The following SF1 variants were observed in gnomAD, a reference collection of about 807,000 sequenced individuals.
SF1 encodes splicing factor 1.
Under a neutral mutation model 62.5 loss-of-function variants are expected in SF1, and 7 were observed. The observed-to-expected ratio is 0.11, with a 90% CI of 0.06 to 0.21. The LOEUF is 0.21. SF1 is among the 10% of genes least tolerant of loss of function. The pLI is 1.00. For synonymous variants in SF1, 394 were observed against 323.6 expected (o/e 1.22, Z -2.33); for missense variants, 578 against 884.0 (o/e 0.65, Z 4.39).
intron 2 of SF1, among the ~76,000 whole-genome samples, chr11:64,775,789 G>A (rs1939122881): frequency 6.6e-6 from 1 of 152,114 alleles, no homozygotes; most frequent in Non-Finnish European, 1.5e-5. Context: ...ATTCCACTGT[G>A]GATAGTCATT....
Position 64,765,569 on chromosome 11 carries a change from G to T in SF1, c.*249C>A. On this transcript the variant is annotated 3_prime_UTR_variant, in exon 13 of 13. Coordinates refer to ENST00000377390, the MANE Select transcript of SF1 (RefSeq NM_004630.4). ...AAAGGGAGTTGGGTGAGGAGAGAAAGAAGACAAAGAAGACACTCGATGCTA... is the reference window on the plus strand; with the variant it reads ...AAAGGGAGTTGGGTGAGGAGAGAAATAAGACAAAGAAGACACTCGATGCTA... 8 of 1,553,942 alleles carry T rather than the reference G, an allele frequency of 5.1e-6. No homozygotes were observed. The highest frequency in any genetic ancestry group is 6.9e-6 in the Non-Finnish European group (8 of 1,154,156).
intron 2 of SF1, 66 bp downstream of exon 2, chr11:64,776,432 G>A: frequency 1.3e-6 from 2 of 1,513,566 alleles, no homozygotes; most frequent in African/African-American, 1.4e-5. Flanking sequence ...TTCAAAAAAT[G>A]CAGATCTTGC....
In SF1 at chr11:64,765,990, G is replaced by A; in HGVS notation, c.1748C>T (p.Pro583Leu). Reference sequence around the variant, plus strand: ...ACCAGGCGGTGGAGGCGGCGGAGGGGGAGGGGCCCCAGGCGGCAGAGGCGG... The same window carrying A: ...ACCAGGCGGTGGAGGCGGCGGAGGGAGAGGGGCCCCAGGCGGCAGAGGCGG... ...VQPPLPPGAP[P>L]PPPPPPPGSA... Residue 583 changes from proline (P) to leucine (L), a missense_variant, in exon 13 of 13, where the codon CCC becomes CTC. Pro to Leu is a moderately conservative substitution (Grantham distance 98, BLOSUM62 -3). Around this residue, in one of 7 missense-constraint regions of SF1, gnomAD observed 410 missense variants for 452.4 expected, o/e 0.91. Coordinates refer to ENST00000377390, the MANE Select transcript of SF1 (RefSeq NM_004630.4). The A allele has an allele frequency of 1.9e-6, 3 of 1,604,528 alleles. No individual in the cohort carries two copies. The highest frequency in any genetic ancestry group is 2.6e-6 in the Non-Finnish European group (3 of 1,175,714).
Position 64,765,587 on chromosome 11 carries a change from C to G in SF1, c.*231G>C. The G allele has an allele frequency of 1.3e-6, 2 of 1,534,626 alleles. No individual in the cohort carries two copies. Among genetic ancestry groups the G allele is most frequent in the Non-Finnish European group, 1.7e-6 (2 of 1,146,504 alleles). ...AGAGAAAGAAGACAAAGAAGACACT[C>G]GATGCTACGGGGCGCCAGGAGAGCC... On this transcript the variant is annotated 3_prime_UTR_variant, in exon 13 of 13. Coordinates refer to ENST00000377390, the MANE Select transcript of SF1 (RefSeq NM_004630.4).
In SF1 at chr11:64,772,415, G is replaced by A. The variant is rs887887611; in HGVS notation, c.236+1015C>T. ...AGGTAAAATATAGCAAATGTAGTAA[G>A]TCAAATTAAAGAGTCAATATGGAGA... On this transcript the variant is annotated intron_variant, in intron 3 of 12. Coordinates refer to ENST00000377390, the MANE Select transcript of SF1 (RefSeq NM_004630.4). 16 of 985,158 alleles carry A rather than the reference G, an allele frequency of 1.6e-5. No individual in the cohort carries two copies. The African/African-American group carries it at 2.8e-4, about 17-fold the overall frequency. The allele number at this position is 985,158 out of a possible 1,614,324, so 61.0% of individuals were successfully genotyped here.
rs768418500 is a variant in SF1, at chr11:64,776,487, C to G, written c.160+11G>C. On this transcript the variant is annotated intron_variant, in intron 2 of 12. Transcript: ENST00000377390. ...TCTCAAAGTGCATTTGGATGCAGAACGTATATTTACCTATATAAGCTCTTT... is the reference window on the plus strand; with the variant it reads ...TCTCAAAGTGCATTTGGATGCAGAAGGTATATTTACCTATATAAGCTCTTT... The G allele has an allele frequency of 1.3e-6, 2 of 1,565,672 alleles. No individual in the cohort carries two copies. Among genetic ancestry groups the G allele is most frequent in the Admixed American group, 2.0e-5 (1 of 50,088 alleles).
At chr11:64,773,086 T>A (rs1938581233) in intron 3 of SF1, 1 of 1,146,518 alleles carries the variant, frequency 8.7e-7, no homozygotes, top group South Asian at 2.0e-5. Context: ...CTCTATGCCC[T>A]GGGCTTTTGG....
intron 1 of SF1, chr11:64,777,490 C>A (rs912632914): frequency 3.0e-6 from 3 of 985,216 alleles, no homozygotes; most frequent in Non-Finnish European, 1.2e-6. Flanking sequence ...TCATCTGAAG[C>A]ATGCCAACCT....
Position 64,768,208 on chromosome 11 carries a change from T to C in SF1, c.966A>G (p.Glu322=). 1.2e-6 allele frequency: 2 copies of C among 1,613,988 alleles called. No homozygotes were observed. Among genetic ancestry groups the C allele is most frequent in the Non-Finnish European group, 8.5e-7 (1 of 1,179,946 alleles). ...AGCCCACAGATGCTGGGACAGGTGCTTCACCCAGTTCAGCCATGAGGGACA... is the reference window on the plus strand; with the variant it reads ...AGCCCACAGATGCTGGGACAGGTGCCTCACCCAGTTCAGCCATGAGGGACA... ...EYLSLMAELG[E]APVPASVGST... The change falls in exon 9 of 13, where the codon GAA becomes GAG. Residue 322 remains glutamate, a synonymous_variant. Coordinates refer to ENST00000377390, the MANE Select transcript of SF1 (RefSeq NM_004630.4).
intron 2 of SF1, among the ~76,000 whole-genome samples, chr11:64,774,245 T>C (rs1044595466): frequency 1.3e-5 from 2 of 152,214 alleles, no homozygotes; most frequent in Admixed American, 6.5e-5. Context: ...TCACTGTTCA[T>C]ATGGGGAGCA....
chr11:64,777,375 G>A (rs1042874638), intron 1 of SF1: 49 of 420,478 alleles, frequency 1.2e-4, no homozygotes, highest in African/African-American at 7.8e-4. Context: ...CAAAGCGACA[G>A]GGCAGCCGAT....
intron 8 of SF1, among the ~76,000 whole-genome samples, 187 bp from the exon 9 acceptor site, chr11:64,768,473 T>C (rs1937716772): frequency 1.3e-5 from 2 of 152,244 alleles, no homozygotes; most frequent in African/African-American, 2.4e-5. Flanking sequence ...TCGTGCCCAG[T>C]TCTGCATCTG....
chr11:64,772,569 CT>C (rs1938498655), intron 3 of SF1: 1 of 985,176 alleles, frequency 1.0e-6, no homozygotes, highest in Non-Finnish European at 1.2e-6. Flanking sequence ...AAAAACACTA[CT>C]TTTTAAAGCA....
rs780745897 is a variant in SF1 at position 64,769,083 on chromosome 11, T to C, written c.826A>G (p.Thr276Ala). 3.1e-6 allele frequency: 5 copies of C among 1,614,124 alleles called. No individual in the cohort carries two copies. The Admixed American group carries it at 6.7e-5, about 22-fold the overall frequency. ...CCTCCACACTTGGTACACACTGTGG[T>C]GTTGGTAATGCTGCGGGTCTCTGAG... The part of the protein sequence containing the change: ...QSSETRSITN[T>A]TVCTKCGGAG... The change falls in exon 8 of 13, where the codon ACC (threonine) becomes GCC (alanine). Residue 276 changes from threonine (T) to alanine (A), a missense_variant. Coordinates refer to ENST00000377390, the MANE Select transcript of SF1 (RefSeq NM_004630.4).
chr11:64,766,411 T>A, intron 12 of SF1: 1 of 540,322 alleles, frequency 1.9e-6, no homozygotes, highest in Non-Finnish European at 3.3e-6. Flanking sequence ...GAGGGGAAGG[T>A]ACCAGACACA....
chr11:64,767,507 C>T lies in SF1; in HGVS notation c.1342+64G>A, dbSNP rs1565558299. The stretch of plus-strand genomic sequence containing the variant: ...CTTGAGAGCTGCTTCTAGCCAACAG[C>T]GACCTGACGTAACCCCTTGCTTATC... On this transcript the variant is annotated intron_variant, in intron 10 of 12. Coordinates refer to ENST00000377390, the MANE Select transcript of SF1 (RefSeq NM_004630.4). 7 of 1,469,700 alleles carry T rather than the reference C, an allele frequency of 4.8e-6. No homozygotes were observed. In the South Asian group the frequency reaches 6.7e-5, roughly 14 times the overall value. 91.0% of individuals were successfully genotyped at this position (1,469,700 alleles called of 1,614,324 possible).
At chr11:64,776,384 G>T in intron 2 of SF1, 114 bp downstream of exon 2, 2 of 1,146,482 alleles carry the variant, frequency 1.7e-6, no homozygotes, top group African/African-American at 1.5e-5. Flanking sequence ...AGTCGTGAAA[G>T]TATCTCATCT....
chr11:64,772,123 A>G lies in SF1; in HGVS notation c.236+1307T>C, dbSNP rs75018470. On this transcript the variant is annotated intron_variant, in intron 3 of 12. Coordinates refer to ENST00000377390, the MANE Select transcript of SF1 (RefSeq NM_004630.4). Reference sequence around the variant, plus strand: ...GGCAAAAGCTAGTATTCTAGAGGTTAGACTGGCCCGACTTCTTCACCTCCA... The same window carrying G: ...GGCAAAAGCTAGTATTCTAGAGGTTGGACTGGCCCGACTTCTTCACCTCCA... The G allele has an allele frequency of 5.4e-5, 53 of 985,436 alleles. 1 individual carries two copies. The East Asian group carries it at 6.0e-3, about 112-fold the overall frequency. The allele number at this position is 985,436 out of a possible 1,614,324, so 61.0% of individuals were successfully genotyped here.
At chr11:64,777,961 T>C in intron 1 of SF1, 1 of 988,956 alleles carries the variant, frequency 1.0e-6, no homozygotes, top group Non-Finnish European at 1.2e-6. Context: ...GCGCGACGCC[T>C]CTCGCGCTCT....
Sources: allele counts gnomAD v4.1 joint callset (sites outside exome capture counted in the v4.1 genomes callset), GRCh38; gene constraint gnomAD v4.1.1; regional missense constraint gnomAD v4.1.1; transcripts MANE v1.5; gene names NCBI Gene and HGNC (gene_info 2026-07-23, HGNC 2026-07-21).